ZNF436: variants seen among roughly 807,000 people sequenced by gnomAD.
The protein encoded by ZNF436 is DNA-binding protein.
A neutral mutation model predicts 41.9 loss-of-function variants in ZNF436; 22 were observed. That is an observed-to-expected ratio of 0.53 (90% CI 0.38 to 0.75). The LOEUF (loss-of-function observed/expected upper bound fraction) is 0.75. Among genes scored for constraint, ZNF436 ranks in the 30% least tolerant of loss-of-function variants. The pLI is 0.00. For missense variants in ZNF436, 506 were observed against 587.3 expected (o/e 0.86, Z 1.43); for synonymous variants, 217 against 197.8 (o/e 1.10, Z -0.82).
rs575660369 is a variant in ZNF436 at position 23,369,143 on chromosome 1, G to A, written c.-61+223C>T. On this transcript the variant is annotated intron_variant, in intron 1 of 3. Coordinates refer to ENST00000314011, the MANE Select transcript of ZNF436 (RefSeq NM_001077195.2). ...GGGGGACTCAGAAGCGGGTGGCGGT[G>A]TAGGGCGTGTAAGGAGGAGATAGCC... 248 of 329,054 alleles carry A rather than the reference G, an allele frequency of 7.5e-4. 1 individual carries two copies. The highest frequency in any genetic ancestry group is 1.8e-3 in the South Asian group (78 of 42,190). 20.4% of individuals were successfully genotyped at this position (329,054 alleles called of 1,614,324 possible).
At chr1:23,367,326 G>A (rs1253378966) in intron 2 of ZNF436, among the ~76,000 whole-genome samples, 158 bp from the exon 3 acceptor site, 1 of 152,242 alleles carries the variant, frequency 6.6e-6, no homozygotes, top group Non-Finnish European at 1.5e-5. Flanking sequence ...AAAGAAGGCA[G>A]CAATTTATGA....
rs752617994 is a variant in ZNF436, at chr1:23,367,947, G to C, written c.33+26C>G. On this transcript the variant is annotated intron_variant, in intron 2 of 3. Transcript: ENST00000314011. The stretch of plus-strand genomic sequence containing the variant: ...GGACGAGGTGGGTAAGCAGAGACAA[G>C]GTCTGAGAAGCCACCTCCGGCTTAC... The C allele has an allele frequency of 1.4e-5, 22 of 1,613,596 alleles. No homozygotes were observed. The African/African-American group carries it at 2.1e-4, about 16-fold the overall frequency.
At position 23,369,618 on chromosome 1, in the gene ZNF436, A is replaced by G. The variant is rs1404530719; in HGVS notation, c.-313T>C. On this transcript the variant is annotated 5_prime_UTR_variant, in exon 1 of 4. Coordinates refer to ENST00000314011, the MANE Select transcript of ZNF436 (RefSeq NM_001077195.2). ...CAGACTCGCAGGCAGCTCAGAAACC[A>G]CAGGCTCATAGGCAGATCCCTGAGA... 1.9e-6 allele frequency: 1 copy of G among 529,126 alleles called. No homozygotes were observed. The highest frequency in any genetic ancestry group is 3.9e-6 in the Non-Finnish European group (1 of 255,688). 32.8% of individuals were successfully genotyped at this position (529,126 alleles called of 1,614,324 possible). A position where few individuals can be genotyped will look rare whatever the true frequency, so the allele number is the denominator to read the frequency against.
rs1638375197 is a variant in ZNF436 at position 23,367,080 on chromosome 1, T to A, written c.122A>T (p.Asp41Val). The A allele has an allele frequency of 6.2e-7, 1 of 1,613,920 alleles. No homozygotes were observed. Among genetic ancestry groups the A allele is most frequent in the Non-Finnish European group, 8.5e-7 (1 of 1,179,914 alleles). The change falls in exon 3 of 4, where the codon GAT (aspartate) becomes GTT (valine). Residue 41 changes from aspartate (D) to valine (V), a missense_variant. Physicochemically the swap from Asp to Val is radical, Grantham distance 152 (BLOSUM62 -3). This residue lies in a region of ZNF436 where 228 missense variants were observed against 215.1 expected (regional missense o/e 1.06). Coordinates refer to ENST00000314011, the MANE Select transcript of ZNF436 (RefSeq NM_001077195.2). ...ATTTCCATAATTCTCCTGCATAACATCCCGGTAAAGGTCCCTCTGTGCAGC... is the reference window on the plus strand; with the variant it reads ...ATTTCCATAATTCTCCTGCATAACAACCCGGTAAAGGTCCCTCTGTGCAGC... ...LDAAQRDLYRDVMQENYGNVV... is the reference protein window; with the variant it reads ...LDAAQRDLYRVVMQENYGNVV...
At position 23,367,084 on chromosome 1, in the gene ZNF436, G is replaced by C. The variant is rs1221739604; in HGVS notation, c.118C>G (p.Arg40Gly). ...PLDAAQRDLYRDVMQENYGNV... is the reference protein window; with the variant it reads ...PLDAAQRDLYGDVMQENYGNV... ...CCATAATTCTCCTGCATAACATCCC[G>C]GTAAAGGTCCCTCTGTGCAGCGTCC... Residue 40 changes from arginine (R) to glycine (G), a missense_variant, in exon 3 of 4, where the codon CGG becomes GGG. Arg to Gly is a moderately radical substitution (Grantham distance 125). This residue lies in a region of ZNF436 where 228 missense variants were observed against 215.1 expected (regional missense o/e 1.06). Transcript: ENST00000314011. 6 of 1,613,836 alleles carry C rather than the reference G, an allele frequency of 3.7e-6. No homozygotes were observed. In the South Asian group the frequency reaches 6.6e-5, roughly 18 times the overall value.
In ZNF436 at chr1:23,360,529, A is replaced by T. The variant is rs1166906129; in HGVS notation, c.*1440T>A. On this transcript the variant is annotated 3_prime_UTR_variant, in exon 4 of 4. Transcript: ENST00000314011. ...ACCTGGACTGAGATTAGGAAAACTG[A>T]CACTACTGGGCTTAAATTGGGCGAA... 1.3e-5 allele frequency: 2 copies of T among 152,210 alleles called. No homozygotes were observed. The highest frequency in any genetic ancestry group is 2.9e-5 in the Non-Finnish European group (2 of 68,028). 9.4% of individuals were successfully genotyped at this position (152,210 alleles called of 1,614,324 possible). A position where few individuals can be genotyped will look rare whatever the true frequency, so the allele number is the denominator to read the frequency against.
Position 23,367,128 on chromosome 1 carries a change from CG to C in ZNF436, c.73del (p.Arg25GlyfsTer29). ...TFEDMAMYLT[R>X]EEWRPLDAAQ... ...AGCGTCCAGAGGTCTCCATTCTTCC[CG>C]GGTGAGATACATGGCCATATCTTCA... On this transcript the variant is annotated frameshift_variant, in exon 3 of 4. Transcript: ENST00000314011. LOFTEE classifies it high-confidence loss of function. 6.2e-7 allele frequency: 1 copy of C among 1,613,490 alleles called. No homozygotes were observed.
rs41306572 is a variant in ZNF436, at chr1:23,360,623, T to C, written c.*1346A>G. 0.019 allele frequency: 2,964 copies of C among 152,706 alleles called. 45 individuals carry two copies. Among genetic ancestry groups the C allele is most frequent in the Middle Eastern group, 0.071 (21 of 294 alleles). 9.5% of individuals were successfully genotyped at this position (152,706 alleles called of 1,614,324 possible). On this transcript the variant is annotated 3_prime_UTR_variant, in exon 4 of 4. Coordinates refer to ENST00000314011, the MANE Select transcript of ZNF436 (RefSeq NM_001077195.2). ...ATACATTCCTACCGAGGTTCGTTAA[T>C]TCCTTCTGACTAAGCCAAAGAGTTC...
In ZNF436 at chr1:23,365,253, G is replaced by A. The variant is rs552338891; in HGVS notation, c.160+1789C>T. Among the ~76,000 whole-genome samples the A allele has an allele frequency of 4.0e-5, 6 of 151,370 alleles. No individual in the cohort carries two copies. The East Asian group carries it at 9.7e-4, about 24-fold the overall frequency. ...AAAAAAAAAAACGCAAAAACTAGCC[G>A]AGTGTGGTGGCGGGCACCTGTAGTC... On this transcript the variant is annotated intron_variant, in intron 3 of 3. Transcript: ENST00000314011.
In ZNF436 at chr1:23,362,026, CT is replaced by C. The variant is rs1638247188; in HGVS notation, c.1355del (p.Glu452GlyfsTer22). The C allele has an allele frequency of 6.2e-7, 1 of 1,613,944 alleles. No homozygotes were observed. The highest frequency in any genetic ancestry group is 1.3e-5 in the African/African-American group (1 of 74,944). ...GEKPYECTECEKSFSRSSALI... is the reference protein window; with the variant it reads ...GEKPYECTECXKSFSRSSALI... ...GAGCTGAGCTCCTGCTGAAACTCTT[CT>C]CACATTCGGTACATTCATAAGGTTT... On this transcript the variant is annotated frameshift_variant, in exon 4 of 4. Transcript: ENST00000314011. LOFTEE classifies it high-confidence loss of function.
chr1:23,361,999 A>C lies in ZNF436; in HGVS notation c.1383T>G (p.Leu461=), dbSNP rs2148527763. 1 of 1,610,464 alleles carries C rather than the reference A, an allele frequency of 6.2e-7. No homozygotes were observed. Among genetic ancestry groups the C allele is most frequent in the Non-Finnish European group, 8.5e-7 (1 of 1,178,300 alleles). Residue 461 remains leucine, a synonymous_variant, in exon 4 of 4, where the codon CTT becomes CTG. Transcript: ENST00000314011. ...CEKSFSRSSA[L]IKHKRVHTD Reference sequence around the variant, plus strand: ...CCGTATGAACTCTCTTATGTTTAATAAGAGCTGAGCTCCTGCTGAAACTCT... The same window carrying C: ...CCGTATGAACTCTCTTATGTTTAATCAGAGCTGAGCTCCTGCTGAAACTCT...
rs757821437 is a variant in ZNF436, at chr1:23,362,898, C to T, written c.484G>A (p.Gly162Arg). The change falls in exon 4 of 4, where the codon GGA becomes AGA. Residue 162 changes from glycine (G) to arginine (R), a missense_variant. This residue lies in a region of ZNF436 where 228 missense variants were observed against 215.1 expected (regional missense o/e 1.06). Coordinates refer to ENST00000314011, the MANE Select transcript of ZNF436 (RefSeq NM_001077195.2). ...DLNRHQKTHTGDRPYKCYECG... is the reference protein window; with the variant it reads ...DLNRHQKTHTRDRPYKCYECG... The stretch of plus-strand genomic sequence containing the variant: ...TCATAACATTTATAGGGTCTGTCTC[C>T]AGTGTGGGTCTTCTGATGTCGATTA... 1 of 1,614,214 alleles carries T rather than the reference C, an allele frequency of 6.2e-7. No homozygotes were observed. Among genetic ancestry groups the T allele is most frequent in the Non-Finnish European group, 8.5e-7 (1 of 1,180,040 alleles).
At chr1:23,365,718 A>AAATT (rs146808591) in intron 3 of ZNF436, among the ~76,000 whole-genome samples, 3 of 151,548 alleles carry the variant, frequency 2.0e-5, no homozygotes, top group African/African-American at 4.8e-5. Context: ...TGTTTCAAAA[A>AAATT]AATTAATTAA....
chr1:23,362,654 G>A lies in ZNF436; in HGVS notation c.728C>T (p.Thr243Ile), dbSNP rs755211931. 6.2e-7 allele frequency: 1 copy of A among 1,614,154 alleles called. No homozygotes were observed. The highest frequency in any genetic ancestry group is 8.5e-7 in the Non-Finnish European group (1 of 1,180,038). ...CTCATAGGGTTTCTCACCACTGTGG[G>A]TCCTTTGGTGTTGGATTAGGTGAGA... Reference protein sequence around the residue: ...RLSHLIQHQRTHSGEKPYECE... With the variant: ...RLSHLIQHQRIHSGEKPYECE... Residue 243 changes from threonine (T) to isoleucine (I), a missense_variant, in exon 4 of 4, where the codon ACC (threonine) becomes ATC (isoleucine). Thr to Ile is a moderately conservative substitution (Grantham distance 89). This residue lies in a region of ZNF436 where 278 missense variants were observed against 372.1 expected (regional missense o/e 0.75). Coordinates refer to ENST00000314011, the MANE Select transcript of ZNF436 (RefSeq NM_001077195.2).
Position 23,361,948 on chromosome 1 carries a change from C to A in ZNF436, c.*21G>T. 6.4e-7 allele frequency: 1 copy of A among 1,551,352 alleles called. No individual in the cohort carries two copies. The highest frequency in any genetic ancestry group is 8.7e-7 in the Non-Finnish European group (1 of 1,150,750). Reference sequence around the variant, plus strand: ...AATTGTATCTTCAAATGAATCATTTCTCAGCCATCATAATTACAGCTTAGT... The same window carrying A: ...AATTGTATCTTCAAATGAATCATTTATCAGCCATCATAATTACAGCTTAGT... On this transcript the variant is annotated 3_prime_UTR_variant, in exon 4 of 4. Transcript: ENST00000314011.
chr1:23,362,727 C>A lies in ZNF436; in HGVS notation c.655G>T (p.Glu219Ter). ...CACTCATTACATTTGTGAGGCTTCT[C>A]TCCAGTGTGGATTGTCTGATGCTGA... ...LIQHQTIHTG[E>*]KPHKCNECGK... Residue 219 changes from glutamate (E) to a stop codon, truncating the protein, a stop_gained, in exon 4 of 4, where the codon GAG becomes TAG. Coordinates refer to ENST00000314011, the MANE Select transcript of ZNF436 (RefSeq NM_001077195.2). LOFTEE classifies it high-confidence loss of function. 6.2e-7 allele frequency: 1 copy of A among 1,614,212 alleles called. No individual in the cohort carries two copies. Among genetic ancestry groups the A allele is most frequent in the Non-Finnish European group, 8.5e-7 (1 of 1,180,054 alleles).
At position 23,369,184 on chromosome 1, in the gene ZNF436, G is replaced by C. The variant is rs1557999730; in HGVS notation, c.-61+182C>G. The C allele has an allele frequency of 1.0e-5, 4 of 395,890 alleles. No homozygotes were observed. In the East Asian group the frequency reaches 2.6e-4, roughly 26 times the overall value. The allele number at this position is 395,890 out of a possible 1,614,324, so 24.5% of individuals were successfully genotyped here. ...GGAGATAGCCAGGCCCCTGCGGGGG[G>C]GGCGGGCCCTCCTTAGCGTCCCAGA... On this transcript the variant is annotated intron_variant, in intron 1 of 3. Coordinates refer to ENST00000314011, the MANE Select transcript of ZNF436 (RefSeq NM_001077195.2).
intron 3 of ZNF436, among the ~76,000 whole-genome samples, chr1:23,363,859 G>C (rs1490120172): frequency 6.6e-6 from 1 of 152,154 alleles, no homozygotes; most frequent in Non-Finnish European, 1.5e-5. Flanking sequence ...GGGCAATATA[G>C]GGAGAACCCA....
In ZNF436 at chr1:23,362,437, G is replaced by C. The variant is rs1638264332; in HGVS notation, c.945C>G (p.Phe315Leu). ...GACGCACAAGGTCGGAGTTCTGACT[G>C]AAATTCTTCCCACACTCATCACACT... The part of the protein sequence containing the change: ...PYKCDECGKN[F>L]SQNSDLVRHR... The change falls in exon 4 of 4, where the codon TTC becomes TTG. Residue 315 changes from phenylalanine to leucine, a missense_variant. Phe to Leu is a conservative substitution (Grantham distance 22, BLOSUM62 0). Around this residue, in one of 2 missense-constraint regions of ZNF436, gnomAD observed 278 missense variants for 372.1 expected, o/e 0.75. Transcript: ENST00000314011. 1.2e-6 allele frequency: 2 copies of C among 1,613,704 alleles called. No homozygotes were observed. Among genetic ancestry groups the C allele is most frequent in the Non-Finnish European group, 1.7e-6 (2 of 1,179,832 alleles).
Sources: gnomAD v4.1 joint callset for allele counts (sites outside exome capture counted in the v4.1 genomes callset) on GRCh38, gnomAD v4.1.1 for gene constraint, gnomAD v4.1.1 regional missense constraint, MANE v1.5 for transcripts, NCBI Gene and HGNC (gene_info 2026-07-23, HGNC 2026-07-21) for gene names.